The following NEDD4L variants were observed in gnomAD, a reference collection of about 807,000 sequenced individuals.
NEDD4L encodes E3 ubiquitin-protein ligase NEDD4-like.
In NEDD4L, 54 loss-of-function variants were observed where a neutral mutation model predicts 148.9. That is an observed-to-expected ratio of 0.36 (90% confidence interval 0.29 to 0.45). The LOEUF is 0.45. NEDD4L is among the 20% of genes least tolerant of loss of function. The pLI, the probability that NEDD4L is intolerant of heterozygous loss-of-function variation, is 1.00. For missense variants in NEDD4L, 856 were observed against 1,233.8 expected (o/e 0.69, Z 4.59); for synonymous variants, 433 against 440.7 (o/e 0.98, Z 0.22).
chr18:58,094,467 G>A (rs746450834), intron 1 of NEDD4L, among the ~76,000 whole-genome samples: 2 of 151,844 alleles, frequency 1.3e-5, no homozygotes, highest in South Asian at 2.1e-4. Flanking sequence ...GATTACAGAC[G>A]TGAGCCACTG....
chr18:58,130,869 T>G (rs184687102), intron 1 of NEDD4L, among the ~76,000 whole-genome samples: 2,460 of 147,266 alleles, frequency 0.017, 33 homozygotes, highest in African/African-American at 0.025. Flanking sequence ...CTAGTGGAAC[T>G]GTGGTGGTGT....
chr18:58,313,348 G>A (rs1466733239), intron 5 of NEDD4L, among the ~76,000 whole-genome samples: 1 of 152,178 alleles, frequency 6.6e-6, no homozygotes, highest in African/African-American at 2.4e-5. Flanking sequence ...AGGGAATTCG[G>A]TAAACTGTAT....
At chr18:58,239,511 G>C (rs1318843312) in intron 2 of NEDD4L, among the ~76,000 whole-genome samples, 3 of 151,826 alleles carry the variant, frequency 2.0e-5, no homozygotes, top group Admixed American at 1.3e-4. Flanking sequence ...CTCCCCTTAC[G>C]ACCCTGCCCC....
intron 2 of NEDD4L, among the ~76,000 whole-genome samples, chr18:58,233,737 A>T (rs1174018785): frequency 6.6e-6 from 1 of 152,232 alleles, no homozygotes; most frequent in African/African-American, 2.4e-5. Context: ...AGCACTATGA[A>T]CTAGGTGGCT....
intron 16 of NEDD4L, among the ~76,000 whole-genome samples, chr18:58,345,916 G>GT (rs1361865139): frequency 6.9e-5 from 5 of 72,280 alleles, no homozygotes; most frequent in South Asian, 8.2e-4. Flanking sequence ...AATTTTTGTT[G>GT]TTTTTTGTTT....
At chr18:58,321,771 A>G (rs1255988218) in intron 6 of NEDD4L, among the ~76,000 whole-genome samples, 4 of 152,250 alleles carry the variant, frequency 2.6e-5, no homozygotes, top group African/African-American at 9.6e-5. Flanking sequence ...TTAAAGATTA[A>G]TGAAATAGTC....
intron 1 of NEDD4L, among the ~76,000 whole-genome samples, chr18:58,135,039 G>A (rs1465585326): frequency 6.6e-6 from 1 of 151,036 alleles, no homozygotes; most frequent in African/African-American, 2.4e-5. Flanking sequence ...ACCCTTTAGT[G>A]CCTCAAATCA....
At chr18:58,261,629 C>T (rs532756517) in intron 5 of NEDD4L, among the ~76,000 whole-genome samples, 16 of 152,132 alleles carry the variant, frequency 1.1e-4, no homozygotes, top group African/African-American at 3.9e-4. Context: ...GTTCACAGTA[C>T]CAGAATAAAT....
chr18:58,381,580 G>T (rs531910804), intron 24 of NEDD4L, among the ~76,000 whole-genome samples: 1 of 152,196 alleles, frequency 6.6e-6, no homozygotes, highest in East Asian at 1.9e-4. Context: ...GAGTGTAGCC[G>T]AGCTGTACCG....
At chr18:58,183,993 C>A (rs948857489) in intron 2 of NEDD4L, among the ~76,000 whole-genome samples, 2 of 152,052 alleles carry the variant, frequency 1.3e-5, no homozygotes, top group Admixed American at 6.5e-5. Context: ...CATGGTGAAA[C>A]CCCGTCTCTA....
At chr18:58,107,143 A>G (rs2085113599) in intron 1 of NEDD4L, among the ~76,000 whole-genome samples, 1 of 152,094 alleles carries the variant, frequency 6.6e-6, no homozygotes, top group Admixed American at 6.6e-5. Context: ...TTCTGTAAGG[A>G]CACAGCCATA....
intron 1 of NEDD4L, among the ~76,000 whole-genome samples, chr18:58,124,388 C>T (rs1027028679): frequency 1.1e-4 from 17 of 152,234 alleles, no homozygotes; most frequent in Admixed American, 9.8e-4. Flanking sequence ...TCCTCCCCGG[C>T]CTCCTCGATG....
At chr18:58,117,866 G>A (rs183006274) in intron 1 of NEDD4L, among the ~76,000 whole-genome samples, 17 of 152,232 alleles carry the variant, frequency 1.1e-4, no homozygotes, top group African/African-American at 2.2e-4. Context: ...AATGTTTCCC[G>A]TCTTCCTCGT....
At chr18:58,132,240 T>G (rs536636975) in intron 1 of NEDD4L, among the ~76,000 whole-genome samples, 2 of 140,152 alleles carry the variant, frequency 1.4e-5, no homozygotes, top group South Asian at 4.4e-4. Flanking sequence ...GTTGTTTTGA[T>G]GGTAGTGGTG....
At chr18:58,363,294 T>C (rs557794476) in intron 19 of NEDD4L, among the ~76,000 whole-genome samples, 1 of 152,340 alleles carries the variant, frequency 6.6e-6, no homozygotes, top group South Asian at 2.1e-4. Flanking sequence ...CTGGAGATAC[T>C]AGACTAAGGA....
intron 2 of NEDD4L, among the ~76,000 whole-genome samples, chr18:58,177,800 C>T (rs1454494052): frequency 6.6e-6 from 1 of 152,142 alleles, no homozygotes; most frequent in Non-Finnish European, 1.5e-5. Context: ...ACATTGTCAT[C>T]GACTTTATAA....
chr18:58,051,341 A>G (rs1181640446), intron 1 of NEDD4L, among the ~76,000 whole-genome samples: 1 of 152,228 alleles, frequency 6.6e-6, no homozygotes, highest in Non-Finnish European at 1.5e-5. Flanking sequence ...TACCCTTCAA[A>G]TGGATGAATT....
intron 5 of NEDD4L, among the ~76,000 whole-genome samples, chr18:58,254,022 C>T (rs564595599): frequency 1.3e-5 from 2 of 151,570 alleles, no homozygotes; most frequent in African/African-American, 4.8e-5. Context: ...GGCTATTAAC[C>T]CAGCGGAGAC....
intron 1 of NEDD4L, chr18:58,045,322 G>C (rs185539873): frequency 2.5e-6 from 1 of 394,966 alleles, no homozygotes; most frequent in Non-Finnish European, 4.5e-6. Context: ...GTTCAAGGCT[G>C]GTGGCAGGTG....
Sources: allele counts gnomAD v4.1 joint callset (sites outside exome capture counted in the v4.1 genomes callset), GRCh38; gene constraint gnomAD v4.1.1; transcripts MANE v1.5; gene names NCBI Gene and HGNC (gene_info 2026-07-23, HGNC 2026-07-21).